Variants in RBFOX2 observed in about 807,000 individuals in gnomAD.
The protein encoded by RBFOX2 is RNA binding protein fox-1 homolog 2.
Under a neutral mutation model 49.1 loss-of-function variants are expected in RBFOX2, and 10 were observed. The ratio of observed to expected loss-of-function variants is 0.20; its 90% CI spans 0.13 to 0.35. The LOEUF (loss-of-function observed/expected upper bound fraction) is 0.35. RBFOX2 is among the 10% of genes least tolerant of loss of function. The pLI is 1.00. For synonymous variants in RBFOX2, 183 were observed against 187.4 expected, an observed-to-expected ratio of 0.98 and a Z score of 0.19; for missense variants, 323 against 486.9, an observed-to-expected ratio of 0.66 and a Z score of 3.17.
In RBFOX2 at chr22:36,007,232, T is replaced by A. The variant is rs146420183; in HGVS notation, c.186+21008A>T. On this transcript the variant is annotated intron_variant, in intron 1 of 13. Coordinates refer to the RBFOX2 transcript ENST00000438146. The stretch of plus-strand genomic sequence containing the variant: ...ATCAGCACTTTCAGTAAATAAAAAA[T>A]GTAAGAAAACATAGCTAATATACAA... 8.6e-4 allele frequency among the ~76,000 whole-genome samples: 131 copies of A among 151,978 alleles called. 1 individual carries two copies. In the East Asian group the frequency reaches 0.024, roughly 28 times the overall value.
chr22:35,764,871 G>A (rs941825315), intron 6 of RBFOX2, among the ~76,000 whole-genome samples: 24 of 152,060 alleles, frequency 1.6e-4, no homozygotes, highest in African/African-American at 5.6e-4. Context: ...CCTTCTCAAT[G>A]AGAAAAACTT....
intron 1 of RBFOX2, among the ~76,000 whole-genome samples, chr22:35,896,684 C>T (rs184561713): frequency 2.0e-5 from 3 of 152,294 alleles, no homozygotes; most frequent in African/African-American, 4.8e-5. Flanking sequence ...CGTTTTCTCT[C>T]CTCCCACCTT....
chr22:35,812,820 C>A (rs1952178507), intron 1 of RBFOX2, among the ~76,000 whole-genome samples: 1 of 152,216 alleles, frequency 6.6e-6, no homozygotes, highest in South Asian at 2.1e-4. Context: ...CCATTCTCCA[C>A]CCCAGCCTGC....
intron 1 of RBFOX2, among the ~76,000 whole-genome samples, chr22:35,894,889 G>A (rs756794982): frequency 1.3e-5 from 2 of 151,470 alleles, no homozygotes; most frequent in Non-Finnish European, 2.9e-5. Flanking sequence ...AGGCACTTCA[G>A]TGAACCACAG....
intron 1 of RBFOX2, among the ~76,000 whole-genome samples, chr22:35,851,653 C>A (rs1225626260): frequency 6.6e-6 from 1 of 151,884 alleles, no homozygotes; most frequent in Non-Finnish European, 1.5e-5. Context: ...ATGGCAAAAC[C>A]CTGTCTCTAT....
At position 35,761,190 on chromosome 22, in the gene RBFOX2, T is replaced by C. The variant is rs778849285; in HGVS notation, c.754+12A>G. ...AGTCAAAATCCATGCCAGGCCAACA[T>C]AGGCTACTTACTGATTAAAGGAATG... On this transcript the variant is annotated intron_variant, in intron 8 of 11. Coordinates refer to ENST00000405409, the Ensembl canonical transcript of RBFOX2. 15 of 1,610,562 alleles carry C rather than the reference T, an allele frequency of 9.3e-6. No homozygotes were observed. The highest frequency in any genetic ancestry group is 1.1e-5 in the Non-Finnish European group (13 of 1,177,212).
chr22:36,028,215 T>A, intron 1 of RBFOX2, 25 bp downstream of exon 1: 1 of 1,469,744 alleles, frequency 6.8e-7, no homozygotes, highest in Non-Finnish European at 9.0e-7. Flanking sequence ...CCGCAATAAC[T>A]GGGCGCCCCG....
rs1349657136 is a variant in RBFOX2 at position 35,930,459 on chromosome 22, T to A, written c.-34+8388A>T. On this transcript the variant is annotated intron_variant, in intron 1 of 13. Coordinates refer to the RBFOX2 transcript ENST00000359369. Reference sequence around the variant, plus strand: ...ATATAAAATAAATAGTCATAATAATTATTATATATTCACAAATCAATAAAT... The same window carrying A: ...ATATAAAATAAATAGTCATAATAATAATTATATATTCACAAATCAATAAAT... 2.6e-5 allele frequency among the ~76,000 whole-genome samples: 4 copies of A among 152,128 alleles called. No homozygotes were observed. In the East Asian group the frequency reaches 7.7e-4, roughly 29 times the overall value.
At chr22:35,898,187 G>A in intron 1 of RBFOX2, 1 of 754,570 alleles carries the variant, frequency 1.3e-6, no homozygotes, top group Non-Finnish European at 2.5e-6. Context: ...ACGCGTCCAA[G>A]GTGGTTGACA....
intron 2 of RBFOX2, among the ~76,000 whole-genome samples, chr22:35,790,941 A>G (rs1947467805): frequency 6.6e-6 from 1 of 151,914 alleles, no homozygotes; most frequent in African/African-American, 2.4e-5. Flanking sequence ...ATGAGAGGTC[A>G]AGGCTGCAGT....
At chr22:35,976,340 C>T (rs575482819) in intron 1 of RBFOX2, among the ~76,000 whole-genome samples, 1 of 144,588 alleles carries the variant, frequency 6.9e-6, no homozygotes, top group African/African-American at 2.9e-5. Flanking sequence ...ACCACCACCC[C>T]CCCCTCTTAA....
At chr22:36,020,725 T>A (rs2059212307) in intron 1 of RBFOX2, among the ~76,000 whole-genome samples, 1 of 152,126 alleles carries the variant, frequency 6.6e-6, no homozygotes, top group Non-Finnish European at 1.5e-5. Context: ...AGAATGGCGA[T>A]CATTAAAAAG....
intron 4 of RBFOX2, among the ~76,000 whole-genome samples, chr22:35,769,923 G>A (rs1409087400): frequency 5.3e-5 from 8 of 152,134 alleles, no homozygotes; most frequent in Non-Finnish European, 1.2e-4. Context: ...AAATACCCTT[G>A]AAAGCAAAAT....
chr22:35,914,917 G>A (rs929251106), intron 1 of RBFOX2, among the ~76,000 whole-genome samples: 1 of 152,240 alleles, frequency 6.6e-6, no homozygotes, highest in Admixed American at 6.5e-5. Flanking sequence ...CAGATCCTTA[G>A]TAATGCAATC....
intron 9 of RBFOX2, chr22:35,747,440 A>G (rs2145841219): frequency 6.6e-6 from 1 of 152,356 alleles, no homozygotes; most frequent in Admixed American, 6.5e-5. Context: ...TAGTCCAAAT[A>G]TCCTCTCAGT....
At chr22:35,879,247 C>G (rs963097049) in intron 1 of RBFOX2, among the ~76,000 whole-genome samples, 1 of 152,128 alleles carries the variant, frequency 6.6e-6, no homozygotes, top group Non-Finnish European at 1.5e-5. Flanking sequence ...ATTCAACCAA[C>G]CATGAATGGG....
chr22:35,916,519 T>G (rs1287160025), intron 1 of RBFOX2, among the ~76,000 whole-genome samples: 1 of 152,194 alleles, frequency 6.6e-6, no homozygotes, highest in African/African-American at 2.4e-5. Context: ...TAGCCTCATG[T>G]GATCTGCCTG....
At chr22:35,925,828 T>C (rs1172686733) in intron 1 of RBFOX2, among the ~76,000 whole-genome samples, 1 of 152,148 alleles carries the variant, frequency 6.6e-6, no homozygotes, top group Non-Finnish European at 1.5e-5. Context: ...CTAAAGAATA[T>C]TCAGCAGATA....
chr22:35,901,726 T>C (rs2048597467), intron 1 of RBFOX2, among the ~76,000 whole-genome samples: 1 of 152,186 alleles, frequency 6.6e-6, no homozygotes, highest in African/African-American at 2.4e-5. Flanking sequence ...ATTAAGTGAT[T>C]TGTTAGAGCT....
Sources: gnomAD v4.1 joint callset for allele counts (sites outside exome capture counted in the v4.1 genomes callset) on GRCh38, gnomAD v4.1.1 for gene constraint, MANE v1.5 for transcripts, NCBI Gene and HGNC (gene_info 2026-07-23, HGNC 2026-07-21) for gene names.